FILIP1L: variants seen among roughly 807,000 people sequenced by gnomAD.
The protein encoded by FILIP1L is filamin A-interacting protein 1-like.
A neutral mutation model predicts 96.6 loss-of-function variants in FILIP1L; 55 were observed. The observed-to-expected ratio is 0.57, with a 90% CI of 0.46 to 0.71. The LOEUF (loss-of-function observed/expected upper bound fraction) is 0.71. Among genes scored for constraint, FILIP1L ranks in the 30% least tolerant of loss-of-function variants. The pLI is 0.00. For synonymous variants in FILIP1L, 467 were observed against 473.9 expected (o/e 0.99, Z 0.19); for missense variants, 1,304 against 1,321.2 (o/e 0.99, Z 0.20).
chr3:100,102,212 G>T (rs75280680), intron 1 of FILIP1L, among the ~76,000 whole-genome samples: 7 of 151,170 alleles, frequency 4.6e-5, no homozygotes, highest in Admixed American at 6.6e-5. Context: ...TTCCACAATG[G>T]TTGAACTAGT....
intron 1 of FILIP1L, among the ~76,000 whole-genome samples, chr3:100,111,186 C>T: frequency 6.6e-6 from 1 of 152,200 alleles, no homozygotes; most frequent in Non-Finnish European, 1.5e-5. Flanking sequence ...GGGTAAGGAC[C>T]TAGAAGGGCA....
At chr3:99,907,129 G>A (rs1308580688) in intron 4 of FILIP1L, among the ~76,000 whole-genome samples, 2 of 152,138 alleles carry the variant, frequency 1.3e-5, no homozygotes, top group African/African-American at 2.4e-5. Flanking sequence ...GCATATACTG[G>A]AAGCAGCCCT....
At chr3:100,071,267 T>G (rs2065759202) in intron 1 of FILIP1L, among the ~76,000 whole-genome samples, 1 of 152,160 alleles carries the variant, frequency 6.6e-6, no homozygotes, top group East Asian at 1.9e-4. Context: ...GAGCTGAATT[T>G]GCTACATAAC....
intron 4 of FILIP1L, among the ~76,000 whole-genome samples, chr3:99,893,224 G>T (rs1265663579): frequency 6.9e-6 from 1 of 145,886 alleles, no homozygotes; most frequent in Non-Finnish European, 1.5e-5. Flanking sequence ...GGAGTGCAGT[G>T]GCGCAATCTC....
intron 1 of FILIP1L, among the ~76,000 whole-genome samples, chr3:100,047,451 A>G (rs1345188186): frequency 1.3e-5 from 2 of 152,234 alleles, no homozygotes; most frequent in African/African-American, 4.8e-5. Flanking sequence ...GTTTAAAAAA[A>G]CTAAAGTATC....
chr3:99,938,094 C>A (rs573314700), intron 1 of FILIP1L, among the ~76,000 whole-genome samples: 1 of 152,046 alleles, frequency 6.6e-6, no homozygotes, highest in South Asian at 2.1e-4. Context: ...CGCGCGCGTG[C>A]ATGCACACTC....
chr3:99,941,414 A>T (rs1707847161), intron 1 of FILIP1L, among the ~76,000 whole-genome samples: 1 of 152,260 alleles, frequency 6.6e-6, no homozygotes, highest in South Asian at 2.1e-4. Flanking sequence ...TAGTAAAGCC[A>T]TCTCAGAGAT....
rs143554360 is a variant in FILIP1L at position 100,008,764 on chromosome 3, A to G, written c.-10-77734T>C. Among the ~76,000 whole-genome samples the G allele has an allele frequency of 8.4e-3, 1,284 of 152,264 alleles. 3 individuals are homozygous for G. Among genetic ancestry groups the G allele is most frequent in the Middle Eastern group, 0.034 (10 of 294 alleles). On this transcript the variant is annotated intron_variant, in intron 1 of 5. Coordinates refer to ENST00000477258, the MANE Select transcript of FILIP1L (RefSeq NM_001387850.1). ...TTATAAACTCTAGACTAGGAGGAGT[A>G]TTGTCTTGCTCTGGCCCTTGTATTT...
chr3:100,090,461 C>T (rs2066084354), intron 1 of FILIP1L, among the ~76,000 whole-genome samples: 1 of 152,130 alleles, frequency 6.6e-6, no homozygotes, highest in African/African-American at 2.4e-5. Flanking sequence ...GCAATTCCAC[C>T]TCTGATTTTC....
chr3:100,088,652 T>C (rs1378851615), intron 1 of FILIP1L, among the ~76,000 whole-genome samples: 1 of 152,034 alleles, frequency 6.6e-6, no homozygotes, highest in Non-Finnish European at 1.5e-5. Context: ...TTCTCTGCAG[T>C]TTTCTCTCTC....
chr3:99,930,329 G>A (rs1345777535), intron 2 of FILIP1L, among the ~76,000 whole-genome samples: 1 of 152,114 alleles, frequency 6.6e-6, no homozygotes, highest in Non-Finnish European at 1.5e-5. Context: ...GGATTTTCAG[G>A]GGGTAGGAAA....
At chr3:100,001,811 T>G (rs888514849) in intron 1 of FILIP1L, among the ~76,000 whole-genome samples, 7 of 152,204 alleles carry the variant, frequency 4.6e-5, no homozygotes, top group Non-Finnish European at 8.8e-5. Flanking sequence ...TTTGGCTGAA[T>G]AATTAAAGGG....
chr3:100,097,148 G>A (rs2066223986), intron 1 of FILIP1L, among the ~76,000 whole-genome samples: 1 of 152,136 alleles, frequency 6.6e-6, no homozygotes, highest in Admixed American at 6.5e-5. Flanking sequence ...GTGAACTACA[G>A]AACTGCACAT....
At chr3:99,852,714 G>A (rs1943763248) in intron 4 of FILIP1L, among the ~76,000 whole-genome samples, 1 of 152,138 alleles carries the variant, frequency 6.6e-6, no homozygotes. Context: ...AAAGTGCTGA[G>A]ATAACAGGTG....
At position 99,922,825 on chromosome 3, in the gene FILIP1L, G is replaced by C. The variant is rs117898337; in HGVS notation, c.605+1405C>G. Among the ~76,000 whole-genome samples, 27 of 152,126 alleles carry C rather than the reference G, an allele frequency of 1.8e-4. 1 individual carries two copies. Among genetic ancestry groups the C allele is most frequent in the African/African-American group, 5.5e-4 (23 of 41,516 alleles). On this transcript the variant is annotated intron_variant, in intron 4 of 5. Coordinates refer to ENST00000477258, the MANE Select transcript of FILIP1L (RefSeq NM_001387850.1). ...CCAAACTCTCCTTTTTTGCAGCCAC[G>C]CTTCTCAAAATGCTAGTTCACATTT...
At chr3:99,835,522 G>GT (rs762582941) in intron 5 of FILIP1L, among the ~76,000 whole-genome samples, 4 of 152,182 alleles carry the variant, frequency 2.6e-5, no homozygotes, top group Non-Finnish European at 5.9e-5. Context: ...TAAGTCCTGG[G>GT]TAGAATAGGA....
intron 1 of FILIP1L, among the ~76,000 whole-genome samples, chr3:99,983,498 ATATATATATATG>A (rs1709231327): frequency 1.9e-4 from 20 of 105,900 alleles, no homozygotes; most frequent in African/African-American, 6.9e-4. Flanking sequence ...ATATATATAT[ATATATATATATG>A]TATATATATA....
At chr3:100,098,515 T>C (rs564583237) in intron 1 of FILIP1L, among the ~76,000 whole-genome samples, 3 of 152,352 alleles carry the variant, frequency 2.0e-5, no homozygotes, top group Admixed American at 6.5e-5. Flanking sequence ...CAAGAATTGT[T>C]AGCTATAATT....
intron 1 of FILIP1L, among the ~76,000 whole-genome samples, chr3:99,938,074 TGCGC>T (rs57534383): frequency 0.045 from 3,856 of 85,232 alleles, 77 homozygotes; most frequent in Middle Eastern, 0.083. Context: ...TGTGTGTGTG[TGCGC>T]GCGCGCGCGC....
Sources: gnomAD v4.1 joint callset for allele counts (sites outside exome capture counted in the v4.1 genomes callset) on GRCh38, gnomAD v4.1.1 for gene constraint, MANE v1.5 for transcripts, NCBI Gene and HGNC (gene_info 2026-07-23, HGNC 2026-07-21) for gene names.